The following ZNF33B variants were observed in gnomAD, a reference collection of about 807,000 sequenced individuals.
ZNF33B encodes zinc finger protein 33B, also known as zinc finger protein 11b (KOX 2).
In ZNF33B, 29 loss-of-function variants were observed where a neutral mutation model predicts 45.8. That is an observed-to-expected ratio of 0.63 (90% CI 0.47 to 0.86). The LOEUF is 0.86. Among genes scored for constraint, ZNF33B ranks in the 40% least tolerant of loss-of-function variants. The pLI, the probability that ZNF33B is intolerant of heterozygous loss-of-function variation, is 0.00. For missense variants in ZNF33B, 831 were observed against 909.9 expected (o/e 0.91, Z 1.12); for synonymous variants, 305 against 307.8 (o/e 0.99, Z 0.10).
At chr10:42,616,536 C>T (rs1420270383) in intron 4 of ZNF33B, among the ~76,000 whole-genome samples, 2 of 152,090 alleles carry the variant, frequency 1.3e-5, no homozygotes, top group South Asian at 2.1e-4. Context: ...AATTTGACTT[C>T]CCAACCTTTA....
At position 42,591,142 on chromosome 10, in the gene ZNF33B, T is replaced by C; in HGVS notation, c.*1471A>G. 1 of 409,824 alleles carries C rather than the reference T, an allele frequency of 2.4e-6. No individual in the cohort carries two copies. Among genetic ancestry groups the C allele is most frequent in the Non-Finnish European group, 3.3e-6 (1 of 304,206 alleles). The allele number at this position is 409,824 out of a possible 1,614,324, so 25.4% of individuals were successfully genotyped here. A position where few individuals can be genotyped will look rare whatever the true frequency, so the allele number is the denominator to read the frequency against. On this transcript the variant is annotated 3_prime_UTR_variant, in exon 5 of 5. Coordinates refer to ENST00000359467, the MANE Select transcript of ZNF33B (RefSeq NM_006955.3). ...TCCAGCCTCAACCCTCCTCTTCATA[T>C]TCTCAAAAGTCTCTGAAGGCCCAGA...
At chr10:42,617,425 C>T (rs772244222) in intron 4 of ZNF33B, among the ~76,000 whole-genome samples, 131 of 152,192 alleles carry the variant, frequency 8.6e-4, no homozygotes, top group Non-Finnish European at 1.5e-3. Context: ...CTTGAATTGA[C>T]ATGCAGCTGG....
chr10:42,602,414 A>G (rs1015710107), intron 4 of ZNF33B, among the ~76,000 whole-genome samples: 4 of 151,866 alleles, frequency 2.6e-5, no homozygotes, highest in Non-Finnish European at 4.4e-5. Context: ...TCTAATATCT[A>G]TGGCAATTCT....
chr10:42,595,745 G>A (rs576706506), intron 4 of ZNF33B, among the ~76,000 whole-genome samples: 2 of 152,152 alleles, frequency 1.3e-5, no homozygotes, highest in Non-Finnish European at 1.5e-5. Flanking sequence ...CAGAGAAAAG[G>A]CTGTGTAAGG....
At chr10:42,637,173 C>T (rs1839344274) in intron 1 of ZNF33B, among the ~76,000 whole-genome samples, 1 of 152,190 alleles carries the variant, frequency 6.6e-6, no homozygotes, top group Non-Finnish European at 1.5e-5. Context: ...AACCATGTAG[C>T]TCTTGGGCAC....
At chr10:42,575,727 T>TATAC (rs572237020) in intron 1 of ZNF33B, among the ~76,000 whole-genome samples, 3 of 144,954 alleles carry the variant, frequency 2.1e-5, no homozygotes, top group East Asian at 2.0e-4. Context: ...TATATATATA[T>TATAC]ACATATATAT....
intron 4 of ZNF33B, among the ~76,000 whole-genome samples, chr10:42,603,817 C>T (rs1434360804): frequency 2.0e-5 from 3 of 152,218 alleles, no homozygotes; most frequent in Non-Finnish European, 4.4e-5. Context: ...GTTAACACCA[C>T]TGCCATGCTA....
rs1839098841 is a variant in ZNF33B, at chr10:42,632,338, A to G, written c.111T>C (p.Tyr37=). 9 of 1,613,408 alleles carry G rather than the reference A, an allele frequency of 5.6e-6. No homozygotes were observed. The highest frequency in any genetic ancestry group is 6.8e-6 in the Non-Finnish European group (8 of 1,179,834). Residue 37 remains tyrosine, a synonymous_variant, in exon 3 of 5, where the codon TAT becomes TAC. Coordinates refer to ENST00000359467, the MANE Select transcript of ZNF33B (RefSeq NM_006955.3). ...TGTAGTTCTCCAGCATCACATCTCT[A>G]TACAGAGCCCTCTGACTAGGGTCCA... ...QHLDPSQRAL[Y]RDVMLENYSN...
chr10:42,630,283 C>T (rs551148391), intron 4 of ZNF33B, among the ~76,000 whole-genome samples: 1 of 152,102 alleles, frequency 6.6e-6, no homozygotes, highest in Non-Finnish European at 1.5e-5. Context: ...CCCCTCAGTA[C>T]TTGAGAAAAT....
At chr10:42,585,912 T>C (rs1354116917), downstream of ZNF33B, among the ~76,000 whole-genome samples, 1 of 152,212 alleles carries the variant, frequency 6.6e-6, no homozygotes, top group Non-Finnish European at 1.5e-5. Flanking sequence ...ATGTGATTTA[T>C]CAAGATGGCT....
At chr10:42,596,019 A>C (rs530978836) in intron 4 of ZNF33B, among the ~76,000 whole-genome samples, 99 of 152,096 alleles carry the variant, frequency 6.5e-4, no homozygotes, top group Non-Finnish European at 1.1e-3. Context: ...ATTTTAAAAG[A>C]GTAAGAAAAA....
chr10:42,632,648 T>C (rs1012206905), intron 2 of ZNF33B, among the ~76,000 whole-genome samples: 2 of 152,202 alleles, frequency 1.3e-5, no homozygotes, highest in African/African-American at 4.8e-5. Context: ...TCATCACTCC[T>C]GGCAACACTA....
At chr10:42,623,938 CTT>C (rs1838695566) in intron 4 of ZNF33B, among the ~76,000 whole-genome samples, 1 of 151,916 alleles carries the variant, frequency 6.6e-6, no homozygotes, top group Non-Finnish European at 1.5e-5. Flanking sequence ...TGTCAAATGT[CTT>C]AGCTTCAGCT....
intron 4 of ZNF33B, among the ~76,000 whole-genome samples, chr10:42,626,613 G>C (rs984423479): frequency 2.0e-5 from 3 of 151,900 alleles, no homozygotes; most frequent in African/African-American, 7.3e-5. Flanking sequence ...ACTTGAACCT[G>C]GGAGGCAGAG....
chr10:42,577,768 G>C (rs1376663401), intron 1 of ZNF33B, among the ~76,000 whole-genome samples: 2 of 152,156 alleles, frequency 1.3e-5, no homozygotes, highest in African/African-American at 2.4e-5. Context: ...AATCGCCCCT[G>C]CTTGTAGATA....
At chr10:42,619,112 C>T (rs209381) in intron 4 of ZNF33B, among the ~76,000 whole-genome samples, 115,807 of 150,296 alleles carry the variant, frequency 0.77, 45,394 homozygotes, top group East Asian at 0.88. Flanking sequence ...CCCAACTGTC[C>T]CCACACAGAA....
intron 4 of ZNF33B, among the ~76,000 whole-genome samples, chr10:42,625,220 G>A (rs192529225): frequency 2.5e-4 from 38 of 152,074 alleles, no homozygotes; most frequent in Admixed American, 1.8e-3. Flanking sequence ...AAGAGACCAC[G>A]TATCTTCATT....
chr10:42,608,154 A>G (rs530062651), intron 4 of ZNF33B, among the ~76,000 whole-genome samples: 1 of 152,340 alleles, frequency 6.6e-6, no homozygotes, highest in East Asian at 1.9e-4. Flanking sequence ...TAAAGGAGAC[A>G]TAACAATTCT....
intron 4 of ZNF33B, among the ~76,000 whole-genome samples, chr10:42,596,612 T>C (rs916156032): frequency 1.2e-4 from 19 of 152,168 alleles, no homozygotes; most frequent in African/African-American, 4.6e-4. Context: ...GTTTAGGTCT[T>C]CAATTTCTCT....
Sources: gnomAD v4.1 joint callset for allele counts (sites outside exome capture counted in the v4.1 genomes callset) on GRCh38, gnomAD v4.1.1 for gene constraint, MANE v1.5 for transcripts, NCBI Gene and HGNC (gene_info 2026-07-23, HGNC 2026-07-21) for gene names.